The following MEX3A variants were observed in gnomAD, a reference collection of about 807,000 sequenced individuals.
MEX3A encodes the protein mex-3 RNA binding family member A.
A neutral mutation model predicts 30.0 loss-of-function variants in MEX3A; 4 were observed. The ratio of observed to expected loss-of-function variants is 0.13; its 90% CI spans 0.07 to 0.30. The LOEUF (loss-of-function observed/expected upper bound fraction) is 0.30, where lower values mean the gene tolerates loss of function less well. Ranked by LOEUF, MEX3A falls within the 10% of genes least tolerant of loss-of-function variation. MEX3A has a pLI of 1.00. For missense variants in MEX3A, 555 were observed against 736.7 expected (o/e 0.75, Z 2.86); for synonymous variants, 335 against 327.6 (o/e 1.02, Z -0.24).
At position 156,076,841 on chromosome 1, in the gene MEX3A, G is replaced by A. The variant is rs1042519372; in HGVS notation, c.1296C>T (p.Ser432=). The change falls in exon 2 of 2, where the codon TCC becomes TCT. Residue 432 remains serine (S), a synonymous_variant. Transcript: ENST00000532414. The surrounding 1 kb of genome is among the most constrained non-coding windows in gnomAD (Gnocchi z 6.0). ...PPGAHRSPAT[S]AGPELAGLPR... is the part of the protein sequence containing the mutation. ...GGAGTCCGGCCAGCTCGGGTCCCGC[G>A]GAAGTGGCAGGGGAGCGGTGTGCGC... 3.9e-6 allele frequency: 6 copies of A among 1,546,084 alleles called. No individual in the cohort carries two copies. Among genetic ancestry groups the A allele is most frequent in the East Asian group, 2.4e-5 (1 of 41,052 alleles).
rs1263214417 is a variant in MEX3A, at chr1:156,081,555, C to A, written c.444G>T (p.Val148=). ...CGGCGCCCCGCTTACCTTGCCTGCC[C>A]ACGATCTCGGCCACGTGCTCGGAGG... ...VPTSEHVAEI[V]GRQGCKIKAL... The change falls in exon 1 of 2, where the codon GTG becomes GTT. Residue 148 remains valine (V), a synonymous_variant. Coordinates refer to ENST00000532414, the MANE Select transcript of MEX3A (RefSeq NM_001093725.2). 6.2e-7 allele frequency: 1 copy of A among 1,604,242 alleles called. No homozygotes were observed. The highest frequency in any genetic ancestry group is 1.1e-5 in the South Asian group (1 of 89,666).
chr1:156,075,467 T>C lies in MEX3A; in HGVS notation c.*1107A>G, dbSNP rs1648030986. 1 of 152,662 alleles carries C rather than the reference T, an allele frequency of 6.6e-6. No individual in the cohort carries two copies. Among genetic ancestry groups the C allele is most frequent in the Non-Finnish European group, 1.5e-5 (1 of 68,060 alleles). 9.5% of individuals were successfully genotyped at this position (152,662 alleles called of 1,614,324 possible). ...TCCAGCCCAAGAACTACTCCCTAAATATAATGCCCATAGTGATGAAGGTGG... is the reference window on the plus strand; with the variant it reads ...TCCAGCCCAAGAACTACTCCCTAAACATAATGCCCATAGTGATGAAGGTGG... On this transcript the variant is annotated 3_prime_UTR_variant, in exon 2 of 2. Coordinates refer to ENST00000532414, the MANE Select transcript of MEX3A (RefSeq NM_001093725.2).
At chr1:156,079,184 A>G (rs1420504065) in intron 1 of MEX3A, among the ~76,000 whole-genome samples, 1 of 151,584 alleles carries the variant, frequency 6.6e-6, no homozygotes, top group Non-Finnish European at 1.5e-5. Flanking sequence ...TGAGGGGAAG[A>G]GAGTAGGTTG....
At position 156,072,398 on chromosome 1, in the gene MEX3A, G is replaced by C. The variant is rs796752484; in HGVS notation, c.*4176C>G. 32 of 152,590 alleles carry C rather than the reference G, an allele frequency of 2.1e-4. No homozygotes were observed. The highest frequency in any genetic ancestry group is 7.2e-4 in the African/African-American group (30 of 41,524). 9.5% of individuals were successfully genotyped at this position (152,590 alleles called of 1,614,324 possible). A position where few individuals can be genotyped will look rare whatever the true frequency, so the allele number is the denominator to read the frequency against. On this transcript the variant is annotated 3_prime_UTR_variant, in exon 2 of 2. Transcript: ENST00000532414. ...GGTTTCTAGGACAAAAAGAGCAGGG[G>C]GAATCTGTCCCTAGGTGGGGCGAGA... is the stretch of plus-strand genomic sequence containing the variant.
In MEX3A at chr1:156,072,558, A is replaced by C. The variant is rs182945688; in HGVS notation, c.*4016T>G. On this transcript the variant is annotated 3_prime_UTR_variant, in exon 2 of 2. Transcript: ENST00000532414. ...GGGCCCCTCCAACCCCTTGGATAGG[A>C]GGGGAAGGCCCAGTGATTGCAAGCT... The C allele has an allele frequency of 3.9e-4, 60 of 152,816 alleles. No homozygotes were observed. Among genetic ancestry groups the C allele is most frequent in the Admixed American group, 3.8e-3 (58 of 15,306 alleles). The allele number at this position is 152,816 out of a possible 1,614,324, so 9.5% of individuals were successfully genotyped here.
Position 156,077,345 on chromosome 1 carries a change from G to C in MEX3A, c.792C>G (p.Arg264=), listed in dbSNP as rs770098668. 1 of 1,613,808 alleles carries C rather than the reference G, an allele frequency of 6.2e-7. No individual in the cohort carries two copies. Among genetic ancestry groups the C allele is most frequent in the East Asian group, 2.2e-5 (1 of 44,882 alleles). ...NTYIITPSRD[R]DPVFEITGAP... ...CACCCGTGATCTCGAACACGGGGTC[G>C]CGGTCACGGCTTGGTGTGATAATGT... The change falls in exon 2 of 2, where the codon CGC becomes CGG. Residue 264 remains arginine, a synonymous_variant. Coordinates refer to ENST00000532414, the MANE Select transcript of MEX3A (RefSeq NM_001093725.2). This position sits in a 1 kb window ranked among gnomAD's most constrained non-coding sequence, Gnocchi z 8.3.
At position 156,081,756 on chromosome 1, in the gene MEX3A, C is replaced by T; in HGVS notation, c.243G>A (p.Pro81=). 2.5e-6 allele frequency: 2 copies of T among 808,960 alleles called. No homozygotes were observed. The highest frequency in any genetic ancestry group is 1.5e-6 in the Non-Finnish European group (1 of 671,880). The allele number at this position is 808,960 out of a possible 1,614,324, so 50.1% of individuals were successfully genotyped here. A position where few individuals can be genotyped will look rare whatever the true frequency, so the allele number is the denominator to read the frequency against. ...CCGGGGGCGCCGCGGGCGGCGGCGG[C>T]GGGGCCGGCTGCGGGGGGGCGGCCG... is the stretch of plus-strand genomic sequence containing the variant. The part of the protein sequence containing the change: ...AQPAAPPQPA[P]PPPPAAPPAA... The change falls in exon 1 of 2, where the codon CCG becomes CCA. Residue 81 remains proline, a synonymous_variant. Coordinates refer to ENST00000532414, the MANE Select transcript of MEX3A (RefSeq NM_001093725.2).
chr1:156,079,232 G>T (rs1572299953), intron 1 of MEX3A, among the ~76,000 whole-genome samples: 2 of 143,138 alleles, frequency 1.4e-5, no homozygotes, highest in South Asian at 4.4e-4. Flanking sequence ...GTTTTTTTTT[G>T]AGATGGAGTC....
At position 156,076,895 on chromosome 1, in the gene MEX3A, AGAGGAG is replaced by A. The variant is rs748307958; in HGVS notation, c.1236_1241del (p.Ser414_Ser415del). 3 of 1,554,964 alleles carry A rather than the reference AGAGGAG, an allele frequency of 1.9e-6. No individual in the cohort carries two copies. Among genetic ancestry groups the A allele is most frequent in the East Asian group, 2.4e-5 (1 of 41,770 alleles). The stretch of plus-strand genomic sequence containing the variant: ...GGGGCCCAGCGCGGGCCTTGGCGGA[AGAGGAG>A]GAGGAGGAGGAGGCAGAGGAGAAGA... On this transcript the variant is annotated inframe_deletion, in exon 2 of 2. Transcript: ENST00000532414. This position sits in a 1 kb window ranked among gnomAD's most constrained non-coding sequence, Gnocchi z 6.0.
rs771196067 is a variant in MEX3A, at chr1:156,077,590, G to A, written c.547C>T (p.Arg183Trp). ...CGCCGGGCTGTGGCCACGTCCTCCC[G>A]TCGCCCTGTCACCATGAACACTGGT... ...EEPVFMVTGR[R>W]EDVATARREI... The change falls in exon 2 of 2, where the codon CGG becomes TGG. Residue 183 changes from arginine (R) to tryptophan (W), a missense_variant. Physicochemically the swap from Arg to Trp is moderately radical, Grantham distance 101. Coordinates refer to ENST00000532414, the MANE Select transcript of MEX3A (RefSeq NM_001093725.2). This position sits in a 1 kb window ranked among gnomAD's most constrained non-coding sequence, Gnocchi z 8.3. The A allele has an allele frequency of 2.5e-6, 4 of 1,611,312 alleles. No homozygotes were observed. Among genetic ancestry groups the A allele is most frequent in the East Asian group, 2.2e-5 (1 of 44,882 alleles).
At position 156,076,496 on chromosome 1, in the gene MEX3A, C is replaced by A. The variant is rs1648066974; in HGVS notation, c.*78G>T. 2 of 1,455,038 alleles carry A rather than the reference C, an allele frequency of 1.4e-6. No individual in the cohort carries two copies. Among genetic ancestry groups the A allele is most frequent in the African/African-American group, 2.8e-5 (2 of 70,466 alleles). 90.1% of individuals were successfully genotyped at this position (1,455,038 alleles called of 1,614,324 possible). ...AAGCACCTTGCCCCTCAAATCACCG[C>A]TTTCCAAAAGGCTTTAGTGGAAAAC... is the stretch of plus-strand genomic sequence containing the variant. On this transcript the variant is annotated 3_prime_UTR_variant, in exon 2 of 2. Coordinates refer to ENST00000532414, the MANE Select transcript of MEX3A (RefSeq NM_001093725.2). The surrounding 1 kb of genome is among the most constrained non-coding windows in gnomAD (Gnocchi z 6.0).
At position 156,081,593 on chromosome 1, in the gene MEX3A, C is replaced by T. The variant is rs1178733186; in HGVS notation, c.406G>A (p.Val136Ile). ...ACGTGCTCGGAGGTGGGCACGGGAA[C>T]ACACTCCGTGGTGTTGCTGCTGCCC... is the stretch of plus-strand genomic sequence containing the variant. ...LKGSSNTTEC[V>I]PVPTSEHVAE... Residue 136 changes from valine to isoleucine, a missense_variant, in exon 1 of 2, where the codon GTT becomes ATT. By Grantham distance (29) the Val-to-Ile change is conservative. This residue lies in a region of MEX3A where 32 missense variants were observed against 107.4 expected (regional missense o/e 0.30). Transcript: ENST00000532414. 1.3e-6 allele frequency: 2 copies of T among 1,592,734 alleles called. No individual in the cohort carries two copies.
At position 156,076,523 on chromosome 1, in the gene MEX3A, G is replaced by A. The variant is rs1012832848; in HGVS notation, c.*51C>T. The A allele has an allele frequency of 1.6e-5, 24 of 1,539,936 alleles. No individual in the cohort carries two copies. In the African/African-American group the frequency reaches 2.9e-4, roughly 19 times the overall value. The stretch of plus-strand genomic sequence containing the variant: ...TTCCAAAAGGCTTTAGTGGAAAACA[G>A]GTCCAGGGTGGGCCCAGTGGAGTGG... On this transcript the variant is annotated 3_prime_UTR_variant, in exon 2 of 2. Coordinates refer to ENST00000532414, the MANE Select transcript of MEX3A (RefSeq NM_001093725.2). This position sits in a 1 kb window ranked among gnomAD's most constrained non-coding sequence, Gnocchi z 6.0.
intron 1 of MEX3A, 38 bp downstream of exon 1, chr1:156,081,507 A>G: frequency 6.4e-7 from 1 of 1,560,832 alleles, no homozygotes; most frequent in Non-Finnish European, 8.8e-7. Flanking sequence ...GGGTGCCCCC[A>G]CTACAGTCCC....
Position 156,081,844 on chromosome 1 carries a change from T to C in MEX3A, c.155A>G (p.Glu52Gly). The part of the protein sequence containing the change: ...LDQLCLLGLG[E>G]PPAPTAGEDG... Reference sequence around the variant, plus strand: ...CTCGCCCGCCGTGGGGGCGGGGGGCTCCCCCAAACCCAGGAGGCAGAGTTG... The same window carrying C: ...CTCGCCCGCCGTGGGGGCGGGGGGCCCCCCCAAACCCAGGAGGCAGAGTTG... Residue 52 changes from glutamate (E) to glycine (G), a missense_variant, in exon 1 of 2, where the codon GAG (glutamate) becomes GGG (glycine). This residue lies in a region of MEX3A where 159 missense variants were observed against 159.9 expected (regional missense o/e 0.99). Transcript: ENST00000532414. The C allele has an allele frequency of 7.2e-7, 1 of 1,390,670 alleles. No homozygotes were observed. Among genetic ancestry groups the C allele is most frequent in the Non-Finnish European group, 9.4e-7 (1 of 1,059,524 alleles). The allele number at this position is 1,390,670 out of a possible 1,614,324, so 86.1% of individuals were successfully genotyped here. A position where few individuals can be genotyped will look rare whatever the true frequency, so the allele number is the denominator to read the frequency against.
chr1:156,076,327 G>T lies in MEX3A; in HGVS notation c.*247C>A. Reference sequence around the variant, plus strand: ...CTTCCAGATTTAAGGGTGTGTTGAGGTATCAGAGTTGTAACTCTAGTAAAA... The same window carrying T: ...CTTCCAGATTTAAGGGTGTGTTGAGTTATCAGAGTTGTAACTCTAGTAAAA... On this transcript the variant is annotated 3_prime_UTR_variant, in exon 2 of 2. Transcript: ENST00000532414. This position sits in a 1 kb window ranked among gnomAD's most constrained non-coding sequence, Gnocchi z 6.0. 1 of 437,942 alleles carries T rather than the reference G, an allele frequency of 2.3e-6. No homozygotes were observed. The highest frequency in any genetic ancestry group is 3.6e-5 in the East Asian group (1 of 27,768). 27.1% of individuals were successfully genotyped at this position (437,942 alleles called of 1,614,324 possible).
In MEX3A at chr1:156,082,029, GGAGA is replaced by G. The variant is rs147120945; in HGVS notation, c.-35_-32del. ...AACAAAAGCTGGGGGAGAGAGAGAG[GGAGA>G]GAGAGAGAGAGAGGTGGTGGAAGGG... On this transcript the variant is annotated 5_prime_UTR_variant, in exon 1 of 2. Coordinates refer to ENST00000532414, the MANE Select transcript of MEX3A (RefSeq NM_001093725.2). 2.2e-4 allele frequency: 269 copies of G among 1,223,396 alleles called. No individual in the cohort carries two copies. Among genetic ancestry groups the G allele is most frequent in the East Asian group, 3.0e-4 (7 of 23,426 alleles). 75.8% of individuals were successfully genotyped at this position (1,223,396 alleles called of 1,614,324 possible). A position where few individuals can be genotyped will look rare whatever the true frequency, so the allele number is the denominator to read the frequency against.
rs1648002886 is a variant in MEX3A, at chr1:156,074,459, TC to T, written c.*2114del. On this transcript the variant is annotated 3_prime_UTR_variant, in exon 2 of 2. Coordinates refer to ENST00000532414, the MANE Select transcript of MEX3A (RefSeq NM_001093725.2). Reference sequence around the variant, plus strand: ...TTCTCTCCTCTGTGTTGGTCGCCTGTCTCGCTCCCTCTCATGCTCTCTTTCT... The same window carrying T: ...TTCTCTCCTCTGTGTTGGTCGCCTGTTCGCTCCCTCTCATGCTCTCTTTCT... 6.6e-6 allele frequency: 1 copy of T among 152,104 alleles called. No individual in the cohort carries two copies. The highest frequency in any genetic ancestry group is 2.4e-5 in the African/African-American group (1 of 41,192). 9.4% of individuals were successfully genotyped at this position (152,104 alleles called of 1,614,324 possible). A position where few individuals can be genotyped will look rare whatever the true frequency, so the allele number is the denominator to read the frequency against.
In MEX3A at chr1:156,072,690, A is replaced by C. The variant is rs1647947185; in HGVS notation, c.*3884T>G. ...GCAATGTGTTCCCAGGCCAGGGTAC[A>C]GTAGATGACCCCTACCTGAACACAT... On this transcript the variant is annotated 3_prime_UTR_variant, in exon 2 of 2. Transcript: ENST00000532414. 6.5e-6 allele frequency: 1 copy of C among 152,772 alleles called. No individual in the cohort carries two copies. The highest frequency in any genetic ancestry group is 6.5e-5 in the Admixed American group (1 of 15,282). 9.5% of individuals were successfully genotyped at this position (152,772 alleles called of 1,614,324 possible).
Sources: allele counts gnomAD v4.1 joint callset (sites outside exome capture counted in the v4.1 genomes callset), GRCh38; gene constraint gnomAD v4.1.1; regional missense constraint gnomAD v4.1.1; non-coding constraint Gnocchi (gnomAD v3.1); transcripts MANE v1.5; gene names NCBI Gene and HGNC (gene_info 2026-07-23, HGNC 2026-07-21).